MACROD2: variants seen among roughly 807,000 people sequenced by gnomAD.
MACROD2 encodes the protein mono-ADP ribosylhydrolase 2.
Under a neutral mutation model 70.4 loss-of-function variants are expected in MACROD2, and 36 were observed. That is an observed-to-expected ratio of 0.51 (90% confidence interval 0.39 to 0.68). The LOEUF (loss-of-function observed/expected upper bound fraction) is 0.68, where lower values mean the gene tolerates loss of function less well. Ranked by LOEUF, MACROD2 falls within the 30% of genes least tolerant of loss-of-function variation. The probability of loss-of-function intolerance (pLI) is 0.00; values close to 1 mark genes in which losing one functional copy is unlikely to be tolerated. For synonymous variants in MACROD2, 172 were observed against 178.8 expected, an observed-to-expected ratio of 0.96 and a Z score of 0.30; for missense variants, 496 against 538.4, an observed-to-expected ratio of 0.92 and a Z score of 0.78.
At chr20:15,775,971 T>G (rs1013296913) in intron 8 of MACROD2, among the ~76,000 whole-genome samples, 2 of 152,180 alleles carry the variant, frequency 1.3e-5, no homozygotes, top group African/African-American at 4.8e-5. Context: ...CCTAAAAGTA[T>G]GGAATTCCAG....
intron 5 of MACROD2, among the ~76,000 whole-genome samples, chr20:15,189,420 G>A (rs2076555403): frequency 6.6e-6 from 1 of 152,082 alleles, no homozygotes; most frequent in East Asian, 1.9e-4. Context: ...ATTTTTCTGA[G>A]AATCAACCGG....
At chr20:14,262,142 C>T (rs1165858200) in intron 3 of MACROD2, among the ~76,000 whole-genome samples, 1 of 152,056 alleles carries the variant, frequency 6.6e-6, no homozygotes, top group Non-Finnish European at 1.5e-5. Context: ...GTAAGATGTG[C>T]AGAGGGGTTG....
In MACROD2 at chr20:15,042,486, C is replaced by T. The variant is rs1044887302; in HGVS notation, c.419-187454C>T. 2.0e-5 allele frequency among the ~76,000 whole-genome samples: 3 copies of T among 152,122 alleles called. No homozygotes were observed. In the East Asian group the frequency reaches 5.8e-4, roughly 29 times the overall value. ...GTGTGTTTGGCTGAGGCCTGACTCTCGCCCCTTATAGTTTATGACAAGAGT... is the reference window on the plus strand; with the variant it reads ...GTGTGTTTGGCTGAGGCCTGACTCTTGCCCCTTATAGTTTATGACAAGAGT... On this transcript the variant is annotated intron_variant, in intron 5 of 17. Coordinates refer to ENST00000684519, the MANE Select transcript of MACROD2 (RefSeq NM_001351661.2).
chr20:15,590,283 A>C (rs2048659886), intron 8 of MACROD2, among the ~76,000 whole-genome samples: 3 of 152,174 alleles, frequency 2.0e-5, no homozygotes, highest in Non-Finnish European at 4.4e-5. Context: ...TCTTCATAAA[A>C]ATTTGTGAGG....
At chr20:14,419,660 C>T (rs148827185) in intron 3 of MACROD2, among the ~76,000 whole-genome samples, 1,754 of 152,118 alleles carry the variant, frequency 0.012, 35 homozygotes, top group African/African-American at 0.04. Context: ...GGCATATTCT[C>T]TTTATAAAAT....
At chr20:14,675,579 G>A (rs567139331) in intron 4 of MACROD2, among the ~76,000 whole-genome samples, 9 of 152,100 alleles carry the variant, frequency 5.9e-5, no homozygotes, top group East Asian at 1.9e-4. Context: ...AGGAAAAATC[G>A]GTACCAGCCA....
chr20:15,222,779 T>C (rs1255875937), intron 5 of MACROD2, among the ~76,000 whole-genome samples: 1 of 152,230 alleles, frequency 6.6e-6, no homozygotes, highest in Non-Finnish European at 1.5e-5. Context: ...GCAACCTATC[T>C]GTGCTCTCTC....
intron 5 of MACROD2, among the ~76,000 whole-genome samples, chr20:14,701,998 C>A (rs1295569671): frequency 6.6e-6 from 1 of 152,106 alleles, no homozygotes; most frequent in African/African-American, 2.4e-5. Flanking sequence ...CTCAGGCAGT[C>A]TCTCTCTATA....
chr20:14,784,116 A>T (rs1600659975), intron 5 of MACROD2, among the ~76,000 whole-genome samples: 1 of 152,224 alleles, frequency 6.6e-6, no homozygotes, highest in Non-Finnish European at 1.5e-5. Context: ...AAAACACAGG[A>T]TTGCAATCAC....
At chr20:14,509,790 T>C (rs1186952467) in intron 4 of MACROD2, among the ~76,000 whole-genome samples, 1 of 151,974 alleles carries the variant, frequency 6.6e-6, no homozygotes, top group East Asian at 1.9e-4. Flanking sequence ...ATTAGCATAT[T>C]GTTAAGATTT....
At chr20:14,156,928 T>C (rs1034716027) in intron 3 of MACROD2, among the ~76,000 whole-genome samples, 32 of 152,342 alleles carry the variant, frequency 2.1e-4, no homozygotes, top group African/African-American at 7.7e-4. Flanking sequence ...TCTTGAATTC[T>C]ACAGAGTTTG....
At chr20:14,598,544 A>C (rs182617178) in intron 4 of MACROD2, among the ~76,000 whole-genome samples, 12 of 152,246 alleles carry the variant, frequency 7.9e-5, no homozygotes, top group Admixed American at 7.9e-4. Context: ...TCTTGTTTAT[A>C]TTTTGCATTC....
chr20:15,273,785 C>G (rs2077366765), intron 6 of MACROD2, among the ~76,000 whole-genome samples: 2 of 152,244 alleles, frequency 1.3e-5, no homozygotes, highest in South Asian at 4.1e-4. Flanking sequence ...ATCATAGACT[C>G]TGACAAAAAG....
chr20:15,172,705 G>A (rs1022310799), intron 5 of MACROD2, among the ~76,000 whole-genome samples: 3 of 152,150 alleles, frequency 2.0e-5, no homozygotes, highest in Non-Finnish European at 4.4e-5. Context: ...CCCCTCACTT[G>A]GCAAAACTTG....
chr20:14,399,493 A>C (rs1208929329), intron 3 of MACROD2, among the ~76,000 whole-genome samples: 3 of 151,950 alleles, frequency 2.0e-5, no homozygotes, highest in East Asian at 3.9e-4. Context: ...AGCTACGTTT[A>C]ATTTTGTCTT....
In MACROD2 at chr20:14,684,757, A is replaced by T. The variant is rs923210027; in HGVS notation, c.302-86A>T. On this transcript the variant is annotated intron_variant, in intron 4 of 17. Coordinates refer to ENST00000684519, the MANE Select transcript of MACROD2 (RefSeq NM_001351661.2). Reference sequence around the variant, plus strand: ...CTATGGTTATTTACAGGAAGAACAAATTGAGTTCTCTTCCTCTTCCCATCT... The same window carrying T: ...CTATGGTTATTTACAGGAAGAACAATTTGAGTTCTCTTCCTCTTCCCATCT... 2.7e-6 allele frequency: 3 copies of T among 1,106,578 alleles called. No individual in the cohort carries two copies. The African/African-American group carries it at 4.7e-5, about 17-fold the overall frequency. 68.5% of individuals were successfully genotyped at this position (1,106,578 alleles called of 1,614,324 possible).
In MACROD2 at chr20:15,901,239, G is replaced by C. The variant is rs2065059248; in HGVS notation, c.775+15428G>C. Reference sequence around the variant, plus strand: ...TCCCAAAGGGACTTTCTTCCAGTCTGTCTTCATCTTCCTGATCTCTATTCC... The same window carrying C: ...TCCCAAAGGGACTTTCTTCCAGTCTCTCTTCATCTTCCTGATCTCTATTCC... On this transcript the variant is annotated intron_variant, in intron 10 of 17. Coordinates refer to ENST00000684519, the MANE Select transcript of MACROD2 (RefSeq NM_001351661.2). 3.3e-5 allele frequency among the ~76,000 whole-genome samples: 5 copies of C among 152,042 alleles called. No individual in the cohort carries two copies. In the South Asian group the frequency reaches 1.0e-3, roughly 32 times the overall value.
chr20:15,531,543 A>G (rs1007008378), intron 8 of MACROD2, among the ~76,000 whole-genome samples: 1 of 152,178 alleles, frequency 6.6e-6, no homozygotes, highest in Non-Finnish European at 1.5e-5. Context: ...GAATAAAAAC[A>G]TACAAAGTAG....
intron 6 of MACROD2, among the ~76,000 whole-genome samples, chr20:15,400,015 C>T (rs6034171): frequency 2.0e-5 from 3 of 151,992 alleles, no homozygotes; most frequent in South Asian, 2.1e-4. Context: ...GACCAGGAAC[C>T]ACGCTGGCTG....
Sources: allele counts gnomAD v4.1 joint callset (sites outside exome capture counted in the v4.1 genomes callset), GRCh38; gene constraint gnomAD v4.1.1; transcripts MANE v1.5; gene names NCBI Gene and HGNC (gene_info 2026-07-23, HGNC 2026-07-21).